DLG2: variants seen among roughly 807,000 people sequenced by gnomAD.
DLG2 encodes disks large homolog 2.
A neutral mutation model predicts 132.5 loss-of-function variants in DLG2; 45 were observed. The observed-to-expected ratio is 0.34, with a 90% CI of 0.27 to 0.44. The LOEUF (loss-of-function observed/expected upper bound fraction) is 0.44, where lower values mean the gene tolerates loss of function less well. DLG2 is among the 20% of genes least tolerant of loss of function. The pLI is 1.00. For missense variants in DLG2, 1,045 were observed against 1,196.9 expected (o/e 0.87, Z 1.87); for synonymous variants, 424 against 419.6 (o/e 1.01, Z -0.13).
At chr11:85,172,418 C>T (rs1484983332) in intron 4 of DLG2, among the ~76,000 whole-genome samples, 1 of 152,136 alleles carries the variant, frequency 6.6e-6, no homozygotes, top group South Asian at 2.1e-4. Context: ...AAAGCTACAA[C>T]AACAACATCA....
At chr11:84,434,186 C>T (rs2098993674) in intron 7 of DLG2, among the ~76,000 whole-genome samples, 1 of 150,308 alleles carries the variant, frequency 6.7e-6, no homozygotes, top group Non-Finnish European at 1.5e-5. Context: ...TGATAGAGGA[C>T]AAAGAATGTA....
intron 4 of DLG2, among the ~76,000 whole-genome samples, chr11:85,205,163 T>TATAG (rs1554985177): frequency 5.0e-4 from 72 of 144,752 alleles, no homozygotes; most frequent in African/African-American, 1.8e-3. Flanking sequence ...TATATATATA[T>TATAG]AGATATATAT....
chr11:84,581,868 T>C (rs1383506586), intron 6 of DLG2, among the ~76,000 whole-genome samples: 3 of 146,288 alleles, frequency 2.1e-5, no homozygotes. Flanking sequence ...GATTGCCTCA[T>C]TGCACTCTAG....
At chr11:83,711,834 G>C (rs1364305457) in intron 18 of DLG2, among the ~76,000 whole-genome samples, 1 of 130,832 alleles carries the variant, frequency 7.6e-6, no homozygotes, top group African/African-American at 3.6e-5. Context: ...AATCATTTTA[G>C]ACTCTACTTG....
chr11:85,439,345 G>A (rs2091654499), intron 3 of DLG2, among the ~76,000 whole-genome samples: 1 of 149,794 alleles, frequency 6.7e-6, no homozygotes, highest in South Asian at 2.1e-4. Flanking sequence ...TTTAGGCTTC[G>A]CTTCCTCAGC....
chr11:84,858,219 A>G (rs1257439181), intron 6 of DLG2, among the ~76,000 whole-genome samples: 2 of 151,494 alleles, frequency 1.3e-5, no homozygotes. Context: ...CTTTTTTTTT[A>G]TTTGCATATC....
chr11:84,905,501 A>T (rs191766398), intron 6 of DLG2, among the ~76,000 whole-genome samples: 108 of 152,238 alleles, frequency 7.1e-4, no homozygotes, highest in African/African-American at 2.6e-3. Context: ...TGCATTTTAA[A>T]ACCTTTTGTA....
intron 6 of DLG2, among the ~76,000 whole-genome samples, chr11:84,743,210 T>C (rs2064912627): frequency 6.6e-6 from 1 of 152,092 alleles, no homozygotes; most frequent in African/African-American, 2.4e-5. Context: ...TACATTGACA[T>C]TGGTGTAAAG....
At chr11:85,628,151 G>C (rs1344143823), upstream of DLG2, among the ~76,000 whole-genome samples, 1 of 152,192 alleles carries the variant, frequency 6.6e-6, no homozygotes, top group Non-Finnish European at 1.5e-5. Flanking sequence ...GCTGGTCCGG[G>C]GTTTGGAGGA....
chr11:83,753,822 T>G lies in DLG2; in HGVS notation c.1825+32868A>C, dbSNP rs191180225. On this transcript the variant is annotated intron_variant, in intron 18 of 27. Coordinates refer to ENST00000376104, the MANE Select transcript of DLG2 (RefSeq NM_001142699.3). The stretch of plus-strand genomic sequence containing the variant: ...TATATCATATATATCATATATATAT[T>G]TCATATATATATGATATATATCATA... 5.7e-3 allele frequency among the ~76,000 whole-genome samples: 225 copies of G among 39,182 alleles called. 32 individuals are homozygous for G. The highest frequency in any genetic ancestry group is 0.031 in the African/African-American group (219 of 7,136). 25.7% of individuals were successfully genotyped at this position (39,182 alleles called of 152,430 possible).
At chr11:84,194,123 T>C (rs915995534) in intron 8 of DLG2, among the ~76,000 whole-genome samples, 2 of 152,198 alleles carry the variant, frequency 1.3e-5, no homozygotes, top group Non-Finnish European at 2.9e-5. Flanking sequence ...GGAATCAATC[T>C]TTCGATGATC....
At chr11:85,340,820 A>G (rs1462075691) in intron 3 of DLG2, among the ~76,000 whole-genome samples, 1 of 152,240 alleles carries the variant, frequency 6.6e-6, no homozygotes, top group East Asian at 1.9e-4. Flanking sequence ...GAGTCATAGT[A>G]GAAAGCATTT....
At chr11:84,012,900 C>G (rs1028491324) in intron 11 of DLG2, among the ~76,000 whole-genome samples, 1 of 152,156 alleles carries the variant, frequency 6.6e-6, no homozygotes, top group East Asian at 1.9e-4. Context: ...AAGGTGGAAC[C>G]ATTAACATTT....
intron 19 of DLG2, among the ~76,000 whole-genome samples, chr11:83,583,735 A>G (rs2097025776): frequency 6.6e-6 from 1 of 152,132 alleles, no homozygotes; most frequent in Non-Finnish European, 1.5e-5. Context: ...CTCTCACATC[A>G]CCTTGCAAAA....
At chr11:85,380,598 T>C (rs2085802478) in intron 3 of DLG2, among the ~76,000 whole-genome samples, 1 of 152,190 alleles carries the variant, frequency 6.6e-6, no homozygotes. Flanking sequence ...AGGCGGAGGT[T>C]GCGGTGAGTC....
At chr11:84,238,180 A>G (rs2097183400) in intron 8 of DLG2, among the ~76,000 whole-genome samples, 1 of 152,122 alleles carries the variant, frequency 6.6e-6, no homozygotes, top group East Asian at 1.9e-4. Flanking sequence ...ATCCCTCAGG[A>G]ACTGGCCCCT....
chr11:83,834,723 T>C (rs2055629082), intron 16 of DLG2, among the ~76,000 whole-genome samples: 1 of 152,216 alleles, frequency 6.6e-6, no homozygotes, highest in Non-Finnish European at 1.5e-5. Context: ...GATCAAATCT[T>C]GAGCCAATAG....
At chr11:84,327,075 G>A (rs2098436207) in intron 7 of DLG2, among the ~76,000 whole-genome samples, 1 of 142,484 alleles carries the variant, frequency 7.0e-6, no homozygotes, top group South Asian at 2.3e-4. Context: ...ATGTCACTAA[G>A]TTAATGTAAG....
At chr11:84,886,196 A>G (rs542131372) in intron 6 of DLG2, among the ~76,000 whole-genome samples, 101 of 152,258 alleles carry the variant, frequency 6.6e-4, no homozygotes, top group African/African-American at 2.4e-3. Flanking sequence ...AGAGTGTAAC[A>G]GGTTTTCTTT....
Sources: allele counts gnomAD v4.1 joint callset (sites outside exome capture counted in the v4.1 genomes callset), GRCh38; gene constraint gnomAD v4.1.1; transcripts MANE v1.5; gene names NCBI Gene and HGNC (gene_info 2026-07-23, HGNC 2026-07-21).